PTGER4: variants seen among roughly 807,000 people sequenced by gnomAD.
The protein encoded by PTGER4 is prostaglandin E2 receptor EP4 subtype.
In PTGER4, 11 loss-of-function variants were observed where a neutral mutation model predicts 33.2. The ratio of observed to expected loss-of-function variants is 0.33; its 90% CI spans 0.21 to 0.55. The LOEUF is 0.55. Among genes scored for constraint, PTGER4 ranks in the 20% least tolerant of loss-of-function variants. The probability of loss-of-function intolerance (pLI) is 0.92; values close to 1 mark genes in which losing one functional copy is unlikely to be tolerated. For synonymous variants in PTGER4, 275 were observed against 281.5 expected (o/e 0.98, Z 0.23); for missense variants, 481 against 650.2 (o/e 0.74, Z 2.83).
chr5:40,681,647 G>A lies in PTGER4; in HGVS notation c.654G>A (p.Met218Ile). The change falls in exon 2 of 3, where the codon ATG becomes ATA. Residue 218 changes from methionine to isoleucine, a missense_variant. Met to Ile is a conservative substitution (Grantham distance 10). Coordinates refer to ENST00000302472, the MANE Select transcript of PTGER4 (RefSeq NM_000958.3). This position sits in a 1 kb window ranked among gnomAD's most constrained non-coding sequence, Gnocchi z 9.8. ...GALLRMHRQF[M>I]RRTSLGTEQH... The stretch of plus-strand genomic sequence containing the variant: ...TGCTCCGCATGCACCGCCAGTTCAT[G>A]CGCCGCACCTCGCTGGGCACCGAGC... 1 of 1,599,476 alleles carries A rather than the reference G, an allele frequency of 6.3e-7. No homozygotes were observed.
At chr5:40,716,441 T>C in the PTGER4 span, 1 of 1,613,740 alleles carries the variant, frequency 6.2e-7, no homozygotes, top group Non-Finnish European at 8.5e-7. Flanking sequence ...AGGTCTTCTT[T>C]CCATATTTCA....
chr5:40,737,680 A>G, the PTGER4 span, among the ~76,000 whole-genome samples: 647 of 152,298 alleles, frequency 4.2e-3, 1 homozygote, highest in African/African-American at 0.013. Flanking sequence ...TACAACCACA[A>G]CCATCACAAT....
At chr5:40,726,818 T>C in the PTGER4 span, among the ~76,000 whole-genome samples, 32 of 152,140 alleles carry the variant, frequency 2.1e-4, no homozygotes, top group Admixed American at 1.8e-3. Flanking sequence ...GATGTATAAA[T>C]TTTTAATAAG....
At chr5:40,736,935 T>A in the PTGER4 span, among the ~76,000 whole-genome samples, 3 of 152,168 alleles carry the variant, frequency 2.0e-5, no homozygotes, top group Admixed American at 6.5e-5. Flanking sequence ...GGGGGTTGGG[T>A]AGAAGAGTAA....
the PTGER4 span, among the ~76,000 whole-genome samples, chr5:40,704,151 G>C: frequency 6.6e-6 from 1 of 152,012 alleles, no homozygotes; most frequent in South Asian, 2.1e-4. Context: ...GATCAAGTAG[G>C]CTTCACCCTC....
At chr5:40,710,626 A>G in the PTGER4 span, among the ~76,000 whole-genome samples, 1 of 152,228 alleles carries the variant, frequency 6.6e-6, no homozygotes, top group South Asian at 2.1e-4. Flanking sequence ...ACACATGCAC[A>G]TATATGTTTA....
the PTGER4 span, among the ~76,000 whole-genome samples, chr5:40,710,049 C>T: frequency 9.9e-5 from 15 of 152,012 alleles, no homozygotes; most frequent in Non-Finnish European, 1.8e-4. Context: ...CCAAAAGTAA[C>T]GGCAACAAAA....
the PTGER4 span, among the ~76,000 whole-genome samples, chr5:40,732,657 G>A: frequency 6.6e-6 from 1 of 151,890 alleles, no homozygotes; most frequent in African/African-American, 2.4e-5. Flanking sequence ...TGGAGTACAT[G>A]GAGTACAGTG....
chr5:40,739,922 T>C, the PTGER4 span, among the ~76,000 whole-genome samples: 1 of 152,164 alleles, frequency 6.6e-6, no homozygotes, highest in Non-Finnish European at 1.5e-5. Flanking sequence ...TTGGGAATAA[T>C]ACTACAAATG....
the PTGER4 span, among the ~76,000 whole-genome samples, chr5:40,713,961 T>C: frequency 1.4e-4 from 21 of 152,148 alleles, no homozygotes; most frequent in South Asian, 6.2e-4. Context: ...AGAAATGAGC[T>C]GCCTTCCTTC....
chr5:40,701,422 G>C, the PTGER4 span, among the ~76,000 whole-genome samples: 2 of 152,094 alleles, frequency 1.3e-5, no homozygotes, highest in Admixed American at 1.3e-4. Flanking sequence ...CCAAACTGAG[G>C]AAAGAATCTC....
At chr5:40,712,951 G>T in the PTGER4 span, among the ~76,000 whole-genome samples, 1 of 152,032 alleles carries the variant, frequency 6.6e-6, no homozygotes. Context: ...TAAGGTAAAT[G>T]ACTTTAGGGA....
At chr5:40,716,394 T>TACC in the PTGER4 span, 1 of 1,614,060 alleles carries the variant, frequency 6.2e-7, no homozygotes, top group Non-Finnish European at 8.5e-7. Flanking sequence ...TCCTCTGTGC[T>TACC]ACCTTCTGCT....
At chr5:40,698,512 G>A (rs1210385889), downstream of PTGER4, among the ~76,000 whole-genome samples, 2 of 152,114 alleles carry the variant, frequency 1.3e-5, no homozygotes, top group Non-Finnish European at 2.9e-5. Context: ...TGCAAAATAT[G>A]TAAAGTATGA....
the PTGER4 span, among the ~76,000 whole-genome samples, chr5:40,706,133 G>C: frequency 2.6e-5 from 4 of 152,268 alleles, no homozygotes; most frequent in Admixed American, 6.5e-5. Context: ...ACATCATGGA[G>C]TATTAAGCAT....
At chr5:40,746,142 C>T in the PTGER4 span, among the ~76,000 whole-genome samples, 1 of 151,792 alleles carries the variant, frequency 6.6e-6, no homozygotes, top group Non-Finnish European at 1.5e-5. Context: ...TTGTCTTTTC[C>T]CCACTGACTA....
the PTGER4 span, among the ~76,000 whole-genome samples, chr5:40,726,121 A>T: frequency 1.3e-5 from 2 of 150,208 alleles, no homozygotes; most frequent in Non-Finnish European, 3.0e-5. Context: ...CACTTCTTAA[A>T]ATCTCATTCT....
chr5:40,722,767 C>T, the PTGER4 span, among the ~76,000 whole-genome samples: 6 of 151,100 alleles, frequency 4.0e-5, no homozygotes, highest in Admixed American at 4.0e-4. Flanking sequence ...CGCCCCGTCC[C>T]GGAGGTGGCG....
the PTGER4 span, among the ~76,000 whole-genome samples, chr5:40,738,435 TATAAAATAAAATACA>T: frequency 3.6e-5 from 3 of 83,770 alleles, no homozygotes; most frequent in African/African-American, 1.3e-4. Flanking sequence ...TAAAATAAAA[TATAAAATAAAATACA>T]ATACAATACA....
Sources: allele counts gnomAD v4.1 joint callset (sites outside exome capture counted in the v4.1 genomes callset), GRCh38; gene constraint gnomAD v4.1.1; non-coding constraint Gnocchi (gnomAD v3.1); transcripts MANE v1.5; gene names NCBI Gene and HGNC (gene_info 2026-07-23, HGNC 2026-07-21).